GPC6: variants seen among roughly 807,000 people sequenced by gnomAD.
The protein encoded by GPC6 is glypican-6.
A neutral mutation model predicts 55.2 loss-of-function variants in GPC6; 14 were observed. That is an observed-to-expected ratio of 0.25 (90% CI 0.17 to 0.40). The LOEUF (loss-of-function observed/expected upper bound fraction) is 0.40, where lower values mean the gene tolerates loss of function less well. GPC6 is among the 10% of genes least tolerant of loss of function. The probability of loss-of-function intolerance (pLI) is 1.00; values close to 1 mark genes in which losing one functional copy is unlikely to be tolerated. For synonymous variants in GPC6, 278 were observed against 259.6 expected (o/e 1.07, Z -0.68); for missense variants, 641 against 708.5 (o/e 0.90, Z 1.08).
intron 2 of GPC6, among the ~76,000 whole-genome samples, chr13:93,814,694 C>T (rs750443470): frequency 2.0e-5 from 3 of 152,258 alleles, no homozygotes; most frequent in East Asian, 3.9e-4. Flanking sequence ...TGAACAAAAG[C>T]GAGATTGGGT....
At chr13:94,218,181 C>T (rs1890277722) in intron 4 of GPC6, among the ~76,000 whole-genome samples, 1 of 152,098 alleles carries the variant, frequency 6.6e-6, no homozygotes, top group Non-Finnish European at 1.5e-5. Flanking sequence ...TTGATAAGAT[C>T]AAGCAACCCT....
intron 1 of GPC6, among the ~76,000 whole-genome samples, chr13:93,441,520 A>G (rs1031322409): frequency 6.6e-6 from 1 of 151,898 alleles, no homozygotes; most frequent in Admixed American, 6.6e-5. Flanking sequence ...CATATCCTTC[A>G]CCTACTTTTT....
At position 94,166,345 on chromosome 13, in the gene GPC6, C is replaced by T. The variant is rs181388681; in HGVS notation, c.878-120004C>T. Among the ~76,000 whole-genome samples, 9 of 152,298 alleles carry T rather than the reference C, an allele frequency of 5.9e-5. No homozygotes were observed. The East Asian group carries it at 1.7e-3, about 29-fold the overall frequency. ...TAAGACATCATAATAGCTCTTATAT[C>T]GCATCCTGTTGCTATGCCCTACTCT... On this transcript the variant is annotated intron_variant, in intron 4 of 8. Coordinates refer to ENST00000377047, the MANE Select transcript of GPC6 (RefSeq NM_005708.5).
chr13:93,583,665 C>T (rs1056447956), intron 2 of GPC6, among the ~76,000 whole-genome samples: 3 of 152,218 alleles, frequency 2.0e-5, no homozygotes, highest in African/African-American at 7.2e-5. Flanking sequence ...GATCCACCGC[C>T]TCTGTCTCCC....
chr13:93,755,259 G>A (rs1056806590), intron 2 of GPC6, among the ~76,000 whole-genome samples: 1 of 151,940 alleles, frequency 6.6e-6, no homozygotes, highest in Non-Finnish European at 1.5e-5. Context: ...CCTGACACAC[G>A]GAGTGAGATT....
intron 2 of GPC6, among the ~76,000 whole-genome samples, chr13:93,749,016 G>A (rs1241033762): frequency 6.6e-6 from 1 of 151,854 alleles, no homozygotes; most frequent in Non-Finnish European, 1.5e-5. Context: ...GTTTCTTATT[G>A]TTATATAGTA....
chr13:94,307,200 G>A (rs9589948), intron 6 of GPC6, among the ~76,000 whole-genome samples: 44,329 of 151,860 alleles, frequency 0.29, 6,892 homozygotes, highest in Non-Finnish European at 0.35. Context: ...AAAATAAAGG[G>A]GTAACTAACT....
At chr13:94,064,174 G>A (rs1404763108) in intron 4 of GPC6, among the ~76,000 whole-genome samples, 1 of 152,194 alleles carries the variant, frequency 6.6e-6, no homozygotes, top group East Asian at 1.9e-4. Context: ...ATGTAAATGA[G>A]GAGGTGGTAC....
chr13:93,546,257 G>A (rs1482966178), intron 2 of GPC6, among the ~76,000 whole-genome samples: 1 of 152,158 alleles, frequency 6.6e-6, no homozygotes, highest in Non-Finnish European at 1.5e-5. Context: ...TTACCCTAGA[G>A]CAAAAGAGCT....
At chr13:93,503,518 A>G (rs2139374434) in intron 1 of GPC6, among the ~76,000 whole-genome samples, 1 of 152,250 alleles carries the variant, frequency 6.6e-6, no homozygotes, top group Admixed American at 6.5e-5. Flanking sequence ...TGCAAGAGGG[A>G]TTTTTCCTCT....
upstream of GPC6, among the ~76,000 whole-genome samples, chr13:93,223,018 A>ATTTT (rs1875661668): frequency 2.1e-5 from 1 of 48,284 alleles, no homozygotes; most frequent in Non-Finnish European, 4.5e-5. Flanking sequence ...CAGGGAAAAC[A>ATTTT]CTTTTTTTTT....
At chr13:93,315,828 C>T (rs1349714966) in intron 1 of GPC6, among the ~76,000 whole-genome samples, 1 of 151,462 alleles carries the variant, frequency 6.6e-6, no homozygotes, top group African/African-American at 2.4e-5. Flanking sequence ...CTGCCCCATC[C>T]CTTTATCTCT....
chr13:93,815,037 T>G, intron 2 of GPC6, among the ~76,000 whole-genome samples: 1 of 152,194 alleles, frequency 6.6e-6, no homozygotes, highest in East Asian at 1.9e-4. Flanking sequence ...GATTTTTAAA[T>G]AAGTTCCCTC....
At chr13:93,556,010 C>G (rs1875445291) in intron 2 of GPC6, among the ~76,000 whole-genome samples, 1 of 152,150 alleles carries the variant, frequency 6.6e-6, no homozygotes, top group African/African-American at 2.4e-5. Context: ...TAACAGGCCT[C>G]CATATCTAAG....
chr13:94,226,940 C>A (rs1229801955), intron 4 of GPC6, among the ~76,000 whole-genome samples: 1 of 152,074 alleles, frequency 6.6e-6, no homozygotes, highest in East Asian at 1.9e-4. Context: ...CCAGCAGTCC[C>A]AAGACATGGG....
chr13:93,687,721 T>C (rs979568865), intron 2 of GPC6, among the ~76,000 whole-genome samples: 1 of 152,072 alleles, frequency 6.6e-6, no homozygotes, highest in African/African-American at 2.4e-5. Context: ...GTTACTACTA[T>C]TTTTAAATAG....
intron 4 of GPC6, among the ~76,000 whole-genome samples, chr13:94,194,651 T>G (rs1594044901): frequency 6.6e-6 from 1 of 152,304 alleles, no homozygotes; most frequent in South Asian, 2.1e-4. Flanking sequence ...TTGTATTTAT[T>G]GTATACTGCT....
chr13:93,608,451 A>G (rs1239734415), intron 2 of GPC6, among the ~76,000 whole-genome samples: 2 of 152,226 alleles, frequency 1.3e-5, no homozygotes, highest in Non-Finnish European at 2.9e-5. Flanking sequence ...TATGTATTTT[A>G]AACAATTTAT....
chr13:93,925,937 A>T (rs1877834694), intron 3 of GPC6, among the ~76,000 whole-genome samples: 1 of 152,236 alleles, frequency 6.6e-6, no homozygotes, highest in Admixed American at 6.5e-5. Flanking sequence ...TGACTGGACC[A>T]GTTGAAGGCT....
Sources: gnomAD v4.1 joint callset for allele counts (sites outside exome capture counted in the v4.1 genomes callset) on GRCh38, gnomAD v4.1.1 for gene constraint, MANE v1.5 for transcripts, NCBI Gene and HGNC (gene_info 2026-07-23, HGNC 2026-07-21) for gene names.